The following CNTNAP5 variants were observed in gnomAD, a reference collection of about 807,000 sequenced individuals.
The protein encoded by CNTNAP5 is contactin-associated protein-like 5.
CNTNAP5 carries 72 observed loss-of-function variants against 150.2 expected under a neutral mutation model. That is an observed-to-expected ratio of 0.48 (90% confidence interval 0.40 to 0.58). The LOEUF (loss-of-function observed/expected upper bound fraction) is 0.58, where lower values mean the gene tolerates loss of function less well. CNTNAP5 is among the 20% of genes least tolerant of loss of function. The pLI is 0.00. For missense variants in CNTNAP5, 1,636 were observed against 1,626.2 expected, an observed-to-expected ratio of 1.01 and a Z score of -0.10; for synonymous variants, 672 against 619.8, an observed-to-expected ratio of 1.08 and a Z score of -1.25.
intron 1 of CNTNAP5, among the ~76,000 whole-genome samples, chr2:124,035,867 C>A (rs1491000705): frequency 6.6e-6 from 1 of 150,562 alleles, no homozygotes; most frequent in Non-Finnish European, 1.5e-5. Context: ...GGTCTCTCTC[C>A]TCATCTCAGA....
At chr2:124,419,335 T>G (rs1300630428) in intron 4 of CNTNAP5, among the ~76,000 whole-genome samples, 1 of 152,098 alleles carries the variant, frequency 6.6e-6, no homozygotes, top group Non-Finnish European at 1.5e-5. Flanking sequence ...CAGTGTCTAC[T>G]TGCACAGAAA....
chr2:124,128,950 A>C (rs554010754), intron 1 of CNTNAP5, among the ~76,000 whole-genome samples: 1 of 152,032 alleles, frequency 6.6e-6, no homozygotes, highest in Non-Finnish European at 1.5e-5. Flanking sequence ...CTAGGAGATA[A>C]ACCTAATGTA....
intron 3 of CNTNAP5, among the ~76,000 whole-genome samples, chr2:124,408,544 G>T (rs1034551016): frequency 3.3e-5 from 5 of 151,878 alleles, no homozygotes; most frequent in African/African-American, 1.2e-4. Context: ...TCTGAGAACG[G>T]GCAGACTGCC....
intron 13 of CNTNAP5, among the ~76,000 whole-genome samples, chr2:124,737,320 C>T (rs1334393922): frequency 1.3e-5 from 2 of 150,896 alleles, no homozygotes; most frequent in Non-Finnish European, 1.5e-5. Context: ...GGAACGATAG[C>T]GTGATGTTGG....
chr2:124,135,758 G>A (rs1027213475), intron 1 of CNTNAP5, among the ~76,000 whole-genome samples: 8 of 152,144 alleles, frequency 5.3e-5, no homozygotes, highest in East Asian at 1.9e-4. Context: ...TCCAGGCTTC[G>A]TTTGTTCATT....
chr2:124,710,036 A>G (rs1679773887), intron 13 of CNTNAP5, among the ~76,000 whole-genome samples: 1 of 152,074 alleles, frequency 6.6e-6, no homozygotes, highest in Non-Finnish European at 1.5e-5. Context: ...CCCGGGTCTT[A>G]CTTTTTGCCA....
chr2:124,674,481 T>TCTCC (rs1199283256), intron 13 of CNTNAP5, among the ~76,000 whole-genome samples: 1 of 125,414 alleles, frequency 8.0e-6, no homozygotes, highest in South Asian at 3.1e-4. Flanking sequence ...TCCCTCCCTC[T>TCTCC]CTCCCTCTCT....
chr2:124,801,293 T>TA (rs1681960872), intron 19 of CNTNAP5, among the ~76,000 whole-genome samples: 1 of 152,120 alleles, frequency 6.6e-6, no homozygotes, highest in African/African-American at 2.4e-5. Flanking sequence ...AATGAGAGAC[T>TA]AAAAAATCTG....
At chr2:124,601,459 C>T (rs893494990) in intron 11 of CNTNAP5, among the ~76,000 whole-genome samples, 1 of 152,122 alleles carries the variant, frequency 6.6e-6, no homozygotes, top group African/African-American at 2.4e-5. Context: ...CTATCAAATA[C>T]GAGAGAACAT....
intron 1 of CNTNAP5, among the ~76,000 whole-genome samples, chr2:124,102,683 A>G (rs1290348426): frequency 1.3e-5 from 2 of 152,166 alleles, no homozygotes; most frequent in Non-Finnish European, 2.9e-5. Context: ...CTCCCGGGAA[A>G]GCTGGTTTCT....
At chr2:124,779,531 A>G (rs771209844) in intron 17 of CNTNAP5, among the ~76,000 whole-genome samples, 14 of 151,868 alleles carry the variant, frequency 9.2e-5, no homozygotes, top group Non-Finnish European at 2.1e-4. Flanking sequence ...TCACACACAT[A>G]CACACACACA....
At chr2:124,566,421 C>T (rs567250457) in intron 11 of CNTNAP5, among the ~76,000 whole-genome samples, 5 of 151,942 alleles carry the variant, frequency 3.3e-5, no homozygotes, top group Non-Finnish European at 7.4e-5. Flanking sequence ...TAGAAGATGT[C>T]GAGCTTTAAA....
intron 17 of CNTNAP5, among the ~76,000 whole-genome samples, chr2:124,776,911 A>T (rs1476055790): frequency 2.6e-5 from 4 of 152,096 alleles, no homozygotes; most frequent in African/African-American, 7.2e-5. Flanking sequence ...ATAAAAGTGT[A>T]TTTTTTTCAA....
At chr2:124,338,710 C>A (rs1689535653) in intron 3 of CNTNAP5, among the ~76,000 whole-genome samples, 1 of 151,992 alleles carries the variant, frequency 6.6e-6, no homozygotes, top group African/African-American at 2.4e-5. Flanking sequence ...CCTTCTCTGC[C>A]ATTGGAGGTT....
chr2:124,329,234 C>T (rs2104678141), intron 3 of CNTNAP5, among the ~76,000 whole-genome samples: 1 of 152,134 alleles, frequency 6.6e-6, no homozygotes, highest in African/African-American at 2.4e-5. Flanking sequence ...TAAAGTCTCC[C>T]AGGTAATTTA....
chr2:124,169,435 C>G (rs1295398148), intron 1 of CNTNAP5, among the ~76,000 whole-genome samples: 1 of 152,162 alleles, frequency 6.6e-6, no homozygotes, highest in African/African-American at 2.4e-5. Flanking sequence ...ACGGTTCCTT[C>G]TGAAAGAAAA....
At position 124,662,268 on chromosome 2, in the gene CNTNAP5, G is replaced by A. The variant is rs374538469; in HGVS notation, c.2077+14310G>A. On this transcript the variant is annotated intron_variant, in intron 13 of 23. Transcript: ENST00000682447. ...GTTTGTTCCAAGTCTTTGCTATTGT[G>A]AACAGTGCTGTGATAAACATACGTG... is the stretch of plus-strand genomic sequence containing the variant. Among the ~76,000 whole-genome samples the A allele has an allele frequency of 1.7e-3, 261 of 152,214 alleles. 2 individuals are homozygous for A. Among genetic ancestry groups the A allele is most frequent in the African/African-American group, 5.9e-3 (246 of 41,516 alleles).
chr2:124,513,184 T>A (rs1475966030), intron 8 of CNTNAP5, among the ~76,000 whole-genome samples: 1 of 152,248 alleles, frequency 6.6e-6, no homozygotes, highest in East Asian at 1.9e-4. Context: ...GTTGGCAGGA[T>A]TGATTTCTTC....
At chr2:124,225,348 A>C in intron 2 of CNTNAP5, among the ~76,000 whole-genome samples, 1 of 152,136 alleles carries the variant, frequency 6.6e-6, no homozygotes, top group East Asian at 1.9e-4. Flanking sequence ...CACCCAAGTG[A>C]TCTGAATCTG....
Sources: gnomAD v4.1 joint callset for allele counts (sites outside exome capture counted in the v4.1 genomes callset) on GRCh38, gnomAD v4.1.1 for gene constraint, MANE v1.5 for transcripts, NCBI Gene and HGNC (gene_info 2026-07-23, HGNC 2026-07-21) for gene names.